The following SP140L variants were observed in gnomAD, a reference collection of about 807,000 sequenced individuals.
SP140L encodes nuclear body protein SP140-like protein.
Under a neutral mutation model 84.3 loss-of-function variants are expected in SP140L, and 64 were observed. The observed-to-expected ratio is 0.76, with a 90% CI of 0.62 to 0.94. The LOEUF (loss-of-function observed/expected upper bound fraction) is 0.94. Ranked by LOEUF, SP140L falls within the 40% of genes least tolerant of loss-of-function variation. SP140L has a pLI of 0.00. For synonymous variants in SP140L, 242 were observed against 236.9 expected (o/e 1.02, Z -0.20); for missense variants, 628 against 692.5 (o/e 0.91, Z 1.05).
At chr2:230,330,330 T>A (rs1193130235) in intron 2 of SP140L, among the ~76,000 whole-genome samples, 4 of 152,224 alleles carry the variant, frequency 2.6e-5, no homozygotes, top group African/African-American at 9.7e-5. Flanking sequence ...CAGGGTGTGT[T>A]TCTGTGTTCT....
intron 5 of SP140L, among the ~76,000 whole-genome samples, chr2:230,364,774 G>T (rs1179155255): frequency 2.0e-5 from 3 of 152,078 alleles, no homozygotes; most frequent in Non-Finnish European, 4.4e-5. Flanking sequence ...TTAGCTGTAG[G>T]CTTGTCATAT....
At chr2:230,375,170 G>T (rs1432747918) in intron 7 of SP140L, among the ~76,000 whole-genome samples, 1 of 151,942 alleles carries the variant, frequency 6.6e-6, no homozygotes, top group Non-Finnish European at 1.5e-5. Context: ...TCATTTATTG[G>T]TGTATGATGT....
rs190635824 is a variant in SP140L, at chr2:230,384,620, T to C, written c.704-604T>C. 2.7e-3 allele frequency among the ~76,000 whole-genome samples: 418 copies of C among 152,314 alleles called. 3 individuals are homozygous for C. The highest frequency in any genetic ancestry group is 0.021 in the South Asian group (99 of 4,828). On this transcript the variant is annotated intron_variant, in intron 8 of 18. Coordinates refer to ENST00000415673, the MANE Select transcript of SP140L (RefSeq NM_138402.6). ...CAAGTGGTTGCATTTATTTTAAGAA[T>C]GGGTGTTTTTGGCCGGGCATGGTGG...
chr2:230,396,703 A>G lies in SP140L; in HGVS notation c.1156-54A>G, dbSNP rs1045313796. 107 of 1,583,548 alleles carry G rather than the reference A, an allele frequency of 6.8e-5. 1 individual carries two copies. In the Admixed American group the frequency reaches 1.8e-3, roughly 27 times the overall value. The stretch of plus-strand genomic sequence containing the variant: ...GACTATTTAAATTTAAGTAAGTGAT[A>G]GATGGAAACAATGCATTCAATATCA... On this transcript the variant is annotated intron_variant, in intron 13 of 18. Coordinates refer to ENST00000415673, the MANE Select transcript of SP140L (RefSeq NM_138402.6).
chr2:230,373,243 T>G (rs952547510), intron 7 of SP140L, among the ~76,000 whole-genome samples: 1 of 152,126 alleles, frequency 6.6e-6, no homozygotes, highest in South Asian at 2.1e-4. Flanking sequence ...ACTGATAGAG[T>G]TGGCAACACT....
chr2:230,334,092 A>T (rs2059800684), intron 2 of SP140L, among the ~76,000 whole-genome samples: 1 of 152,168 alleles, frequency 6.6e-6, no homozygotes, highest in Admixed American at 6.6e-5. Context: ...TCAGAACGAG[A>T]CACTAGAAAT....
intron 6 of SP140L, among the ~76,000 whole-genome samples, chr2:230,371,368 A>G (rs1260429499): frequency 6.6e-6 from 1 of 152,316 alleles, no homozygotes; most frequent in African/African-American, 2.4e-5. Flanking sequence ...TCAGGGGGGA[A>G]GACTGCAGGT....
At chr2:230,330,297 T>A (rs180979726) in intron 2 of SP140L, among the ~76,000 whole-genome samples, 19 of 152,322 alleles carry the variant, frequency 1.2e-4, no homozygotes, top group Admixed American at 2.0e-4. Flanking sequence ...CCCCACTTAT[T>A]GTGAACCAGG....
chr2:230,386,657 A>G (rs1229660772), intron 9 of SP140L, among the ~76,000 whole-genome samples: 2 of 152,192 alleles, frequency 1.3e-5, no homozygotes, highest in African/African-American at 4.8e-5. Flanking sequence ...GCTGGATTTA[A>G]GCTCCAGTTT....
At chr2:230,354,894 A>G (rs139934658) in intron 2 of SP140L, among the ~76,000 whole-genome samples, 12 of 148,562 alleles carry the variant, frequency 8.1e-5, no homozygotes, top group Admixed American at 1.3e-4. Context: ...AGAAAGAAAG[A>G]AAGGAAAGAG....
intron 2 of SP140L, among the ~76,000 whole-genome samples, chr2:230,350,918 A>AATTG (rs1463780840): frequency 2.0e-5 from 3 of 152,162 alleles, no homozygotes; most frequent in Non-Finnish European, 4.4e-5. Context: ...CTAAGGCTAG[A>AATTG]GTATGTCTGG....
chr2:230,393,960 T>G (rs56044062), intron 13 of SP140L, among the ~76,000 whole-genome samples: 40,805 of 152,088 alleles, frequency 0.27, 5,830 homozygotes, highest in Non-Finnish European at 0.31. Context: ...GTAATAAAAA[T>G]AATATTTCTT....
At chr2:230,396,667 C>A in intron 13 of SP140L, 90 bp from the exon 14 acceptor site, 3 of 1,456,956 alleles carry the variant, frequency 2.1e-6, no homozygotes, top group Non-Finnish European at 2.8e-6. Flanking sequence ...TTCCTGAATC[C>A]CTTCAAAGAT....
At chr2:230,385,627 A>G (rs563078603) in intron 9 of SP140L, among the ~76,000 whole-genome samples, 1 of 152,252 alleles carries the variant, frequency 6.6e-6, no homozygotes, top group Non-Finnish European at 1.5e-5. Flanking sequence ...TTATTTTCCC[A>G]CTGCCCTTTG....
intron 10 of SP140L, chr2:230,388,844 C>G: frequency 2.4e-6 from 1 of 421,112 alleles, no homozygotes; most frequent in Non-Finnish European, 4.3e-6. Context: ...ACCCTGGGGC[C>G]CCAGGGGGTC....
intron 2 of SP140L, among the ~76,000 whole-genome samples, chr2:230,348,219 C>G (rs1284132170): frequency 6.6e-6 from 1 of 152,208 alleles, no homozygotes; most frequent in African/African-American, 2.4e-5. Context: ...TGCTAAACAT[C>G]TACCTAGAAA....
At chr2:230,339,792 G>A (rs1255076387) in intron 2 of SP140L, among the ~76,000 whole-genome samples, 2 of 139,918 alleles carry the variant, frequency 1.4e-5, no homozygotes, top group Non-Finnish European at 3.1e-5. Context: ...CAGTTTCCAT[G>A]TAGTTGAGCG....
chr2:230,385,189 G>T, intron 8 of SP140L, 35 bp from the exon 9 acceptor site: 2 of 1,608,914 alleles, frequency 1.2e-6, no homozygotes, highest in Non-Finnish European at 1.7e-6. Flanking sequence ...GTTCTGCCCA[G>T]TTCTATTAAT....
intron 11 of SP140L, among the ~76,000 whole-genome samples, chr2:230,390,525 C>A (rs2061757886): frequency 6.6e-6 from 1 of 152,112 alleles, no homozygotes; most frequent in Non-Finnish European, 1.5e-5. Flanking sequence ...AGAGAGGGAA[C>A]AATAATTAAA....
Sources: gnomAD v4.1 joint callset for allele counts (sites outside exome capture counted in the v4.1 genomes callset) on GRCh38, gnomAD v4.1.1 for gene constraint, MANE v1.5 for transcripts, NCBI Gene and HGNC (gene_info 2026-07-23, HGNC 2026-07-21) for gene names.